CSMD3: variants seen among roughly 807,000 people sequenced by gnomAD.
CSMD3 encodes the protein CUB and sushi domain-containing protein 3.
Under a neutral mutation model 435.2 loss-of-function variants are expected in CSMD3, and 177 were observed. The ratio of observed to expected loss-of-function variants is 0.41; its 90% CI spans 0.36 to 0.46. The LOEUF (loss-of-function observed/expected upper bound fraction) is 0.46, where lower values mean the gene tolerates loss of function less well. Ranked by LOEUF, CSMD3 falls within the 20% of genes least tolerant of loss-of-function variation. The pLI is 0.34. For synonymous variants in CSMD3, 1,656 were observed against 1,520.5 expected (o/e 1.09, Z -2.07); for missense variants, 4,265 against 4,504.6 (o/e 0.95, Z 1.52).
intron 34 of CSMD3, among the ~76,000 whole-genome samples, chr8:112,407,999 T>G (rs1036690941): frequency 2.0e-5 from 3 of 151,976 alleles, no homozygotes; most frequent in Admixed American, 1.3e-4. Flanking sequence ...TAAATTAGAC[T>G]AAATAGTCTA....
At chr8:112,719,093 TA>T (rs1280838971) in intron 13 of CSMD3, among the ~76,000 whole-genome samples, 2 of 152,086 alleles carry the variant, frequency 1.3e-5, no homozygotes, top group Non-Finnish European at 2.9e-5. Flanking sequence ...AAACTTCATG[TA>T]AAAAAATTTC....
intron 32 of CSMD3, among the ~76,000 whole-genome samples, chr8:112,412,699 G>A (rs970404667): frequency 1.3e-5 from 2 of 151,982 alleles, no homozygotes; most frequent in East Asian, 3.8e-4. Flanking sequence ...AACTATATCT[G>A]AGCCTATTAT....
At chr8:112,909,825 C>T (rs531655132) in intron 10 of CSMD3, among the ~76,000 whole-genome samples, 3 of 151,718 alleles carry the variant, frequency 2.0e-5, no homozygotes, top group African/African-American at 7.3e-5. Flanking sequence ...ATGAGTTCAT[C>T]TTTGAAATTT....
chr8:113,138,911 A>G (rs576536756), intron 4 of CSMD3, among the ~76,000 whole-genome samples: 1 of 151,254 alleles, frequency 6.6e-6, no homozygotes, highest in East Asian at 1.9e-4. Context: ...AAGGAAATTT[A>G]ATTATTATAT....
At chr8:112,627,816 T>G (rs887156405) in intron 22 of CSMD3, among the ~76,000 whole-genome samples, 2 of 152,158 alleles carry the variant, frequency 1.3e-5, no homozygotes, top group Non-Finnish European at 2.9e-5. Context: ...GAATTAACTT[T>G]ATACTGTCTT....
chr8:112,984,933 T>C (rs2085196541), intron 6 of CSMD3, among the ~76,000 whole-genome samples: 1 of 152,020 alleles, frequency 6.6e-6, no homozygotes, highest in Non-Finnish European at 1.5e-5. Flanking sequence ...CTTTACCTCA[T>C]CCTTGCTATT....
chr8:112,705,350 A>G (rs1371581136), intron 13 of CSMD3, among the ~76,000 whole-genome samples: 1 of 152,036 alleles, frequency 6.6e-6, no homozygotes, highest in Non-Finnish European at 1.5e-5. Flanking sequence ...AGTGTTCTCC[A>G]GTATATCTTA....
intron 4 of CSMD3, among the ~76,000 whole-genome samples, chr8:113,159,407 G>A (rs991236103): frequency 1.3e-5 from 2 of 151,792 alleles, no homozygotes; most frequent in Non-Finnish European, 2.9e-5. Context: ...ATTGCCATTT[G>A]TATTTTGTTT....
At chr8:113,264,611 T>C (rs1352684162) in intron 3 of CSMD3, among the ~76,000 whole-genome samples, 1 of 151,528 alleles carries the variant, frequency 6.6e-6, no homozygotes, top group Non-Finnish European at 1.5e-5. Flanking sequence ...AGCAATTCTG[T>C]ATTTTTGAAA....
intron 56 of CSMD3, among the ~76,000 whole-genome samples, chr8:112,290,538 GC>G (rs954869358): frequency 6.6e-6 from 1 of 151,882 alleles, no homozygotes; most frequent in African/African-American, 2.4e-5. Context: ...TGAACTATAT[GC>G]ATAGAATCAA....
intron 5 of CSMD3, among the ~76,000 whole-genome samples, chr8:113,083,253 T>A (rs2089635443): frequency 6.6e-6 from 1 of 152,102 alleles, no homozygotes; most frequent in South Asian, 2.1e-4. Context: ...GAGAAAAATG[T>A]CAAGTCACAT....
At chr8:113,067,272 A>G (rs2088900105) in intron 5 of CSMD3, among the ~76,000 whole-genome samples, 1 of 152,140 alleles carries the variant, frequency 6.6e-6, no homozygotes, top group Non-Finnish European at 1.5e-5. Context: ...TACAGTACAT[A>G]CTACAGTGCA....
At chr8:112,609,387 C>G (rs1833075519) in intron 22 of CSMD3, among the ~76,000 whole-genome samples, 1 of 151,872 alleles carries the variant, frequency 6.6e-6, no homozygotes, top group Admixed American at 6.6e-5. Context: ...AGAAGACATA[C>G]AAGTGGTCTA....
At chr8:113,054,622 CA>C (rs1474894566) in intron 5 of CSMD3, among the ~76,000 whole-genome samples, 15 of 152,182 alleles carry the variant, frequency 9.9e-5, no homozygotes, top group Middle Eastern at 6.8e-3. Flanking sequence ...CTGAATCATT[CA>C]AAACAATATT....
intron 4 of CSMD3, among the ~76,000 whole-genome samples, chr8:113,116,567 A>T (rs890695007): frequency 6.6e-6 from 1 of 152,190 alleles, no homozygotes; most frequent in Non-Finnish European, 1.5e-5. Context: ...CACTTACTAT[A>T]AAGATACCTG....
At chr8:112,599,640 C>G (rs1327827599) in intron 22 of CSMD3, among the ~76,000 whole-genome samples, 1 of 151,570 alleles carries the variant, frequency 6.6e-6, no homozygotes, top group African/African-American at 2.4e-5. Context: ...CAGTGATAAA[C>G]TGGATTAAGA....
chr8:112,576,070 G>T (rs887766048), intron 23 of CSMD3, among the ~76,000 whole-genome samples: 3 of 56,372 alleles, frequency 5.3e-5, no homozygotes, highest in Admixed American at 2.3e-4. Flanking sequence ...ACAATCAATT[G>T]TTTCTTGGAT....
intron 22 of CSMD3, among the ~76,000 whole-genome samples, chr8:112,632,250 GAAAT>G (rs1313599793): frequency 1.3e-5 from 2 of 151,920 alleles, no homozygotes; most frequent in African/African-American, 2.4e-5. Context: ...TTTAAACTAA[GAAAT>G]AAATAACTAT....
intron 1 of CSMD3, among the ~76,000 whole-genome samples, chr8:113,407,720 A>G (rs1429043387): frequency 1.3e-5 from 2 of 152,156 alleles, no homozygotes; most frequent in Non-Finnish European, 2.9e-5. Context: ...TGGTTCTAAG[A>G]CAACACAGAC....
Sources: gnomAD v4.1 joint callset for allele counts (sites outside exome capture counted in the v4.1 genomes callset) on GRCh38, gnomAD v4.1.1 for gene constraint, MANE v1.5 for transcripts, NCBI Gene and HGNC (gene_info 2026-07-23, HGNC 2026-07-21) for gene names.